The following THSD7B variants were observed in gnomAD, a reference collection of about 807,000 sequenced individuals.
The protein encoded by THSD7B is thrombospondin type-1 domain-containing protein 7B.
A neutral mutation model predicts 213.6 loss-of-function variants in THSD7B; 138 were observed. That is an observed-to-expected ratio of 0.65 (90% confidence interval 0.56 to 0.74). The LOEUF (loss-of-function observed/expected upper bound fraction) is 0.74, where lower values mean the gene tolerates loss of function less well. Among genes scored for constraint, THSD7B ranks in the 30% least tolerant of loss-of-function variants. The probability of loss-of-function intolerance (pLI) is 0.00; values close to 1 mark genes in which losing one functional copy is unlikely to be tolerated. For missense variants in THSD7B, 1,931 were observed against 1,991.5 expected (o/e 0.97, Z 0.58); for synonymous variants, 742 against 687.0 (o/e 1.08, Z -1.25).
chr2:137,303,730 A>T (rs12476934), intron 12 of THSD7B, among the ~76,000 whole-genome samples: 29,657 of 123,952 alleles, frequency 0.24, 4,622 homozygotes, highest in Non-Finnish European at 0.33. Context: ...ATATATATTT[A>T]TATATATATT....
chr2:137,234,439 C>T (rs1021122986), intron 9 of THSD7B, among the ~76,000 whole-genome samples: 7 of 152,292 alleles, frequency 4.6e-5, no homozygotes, highest in South Asian at 4.1e-4. Flanking sequence ...GAACTGCTTA[C>T]GGCAGCAGAT....
At chr2:137,108,314 T>C (rs998234934) in intron 4 of THSD7B, among the ~76,000 whole-genome samples, 1 of 152,218 alleles carries the variant, frequency 6.6e-6, no homozygotes, top group Non-Finnish European at 1.5e-5. Context: ...GGACAGAGGT[T>C]GCTGTCTGGC....
In THSD7B at chr2:136,983,206, C is replaced by T. The variant is rs192725151; in HGVS notation, c.140-73214C>T. Among the ~76,000 whole-genome samples the T allele has an allele frequency of 1.2e-3, 186 of 151,928 alleles. 2 individuals carry two copies. The highest frequency in any genetic ancestry group is 3.9e-3 in the African/African-American group (160 of 41,424). On this transcript the variant is annotated intron_variant, in intron 2 of 27. Coordinates refer to ENST00000409968, the MANE Select transcript of THSD7B (RefSeq NM_001316349.2). ...ACCATCTTGATTTAGTGTTTTTCTCCCATATGTGAATTGTATATACTTAGG... is the reference window on the plus strand; with the variant it reads ...ACCATCTTGATTTAGTGTTTTTCTCTCATATGTGAATTGTATATACTTAGG...
chr2:137,028,003 G>A (rs956790040), intron 2 of THSD7B, among the ~76,000 whole-genome samples: 2 of 152,066 alleles, frequency 1.3e-5, no homozygotes, highest in African/African-American at 4.8e-5. Flanking sequence ...TTCAGTAAAT[G>A]TTAGCTAATC....
At chr2:136,923,419 A>C (rs55700319) in intron 2 of THSD7B, among the ~76,000 whole-genome samples, 17,127 of 152,230 alleles carry the variant, frequency 0.11, 1,092 homozygotes, top group East Asian at 0.16. Flanking sequence ...ATGAGTGTGC[A>C]GATACCTTTT....
intron 2 of THSD7B, among the ~76,000 whole-genome samples, chr2:137,014,911 C>A (rs1017301740): frequency 2.0e-5 from 3 of 152,056 alleles, no homozygotes; most frequent in African/African-American, 7.2e-5. Context: ...AGCCTGGAAC[C>A]CCTCCCCTGT....
chr2:137,373,164 G>A (rs1414228708), intron 12 of THSD7B, among the ~76,000 whole-genome samples: 4 of 152,092 alleles, frequency 2.6e-5, no homozygotes, highest in African/African-American at 9.7e-5. Context: ...ACATACGTGT[G>A]CATGTGTCTT....
intron 1 of THSD7B, among the ~76,000 whole-genome samples, chr2:136,850,865 A>C (rs1683088122): frequency 6.6e-6 from 1 of 151,950 alleles, no homozygotes; most frequent in African/African-American, 2.4e-5. Flanking sequence ...AATAATTTTT[A>C]AAAGCCCTAG....
At chr2:137,339,180 T>C (rs1401770940) in intron 12 of THSD7B, among the ~76,000 whole-genome samples, 1 of 152,042 alleles carries the variant, frequency 6.6e-6, no homozygotes, top group Non-Finnish European at 1.5e-5. Flanking sequence ...GTGTCATCAG[T>C]TGGAGTCCCG....
In THSD7B at chr2:137,338,836, A is replaced by G. The variant is rs942280848; in HGVS notation, c.2500+62810A>G. Among the ~76,000 whole-genome samples the G allele has an allele frequency of 3.9e-5, 6 of 152,162 alleles. 1 individual carries two copies. In the South Asian group the frequency reaches 1.0e-3, roughly 26 times the overall value. On this transcript the variant is annotated intron_variant, in intron 12 of 27. Coordinates refer to ENST00000409968, the MANE Select transcript of THSD7B (RefSeq NM_001316349.2). The stretch of plus-strand genomic sequence containing the variant: ...TATGAAATCTTTTGTTGATGGAGAA[A>G]GACAAAGACAAAGGACAGGAAATGT...
intron 5 of THSD7B, among the ~76,000 whole-genome samples, chr2:137,151,982 T>C (rs1167624975): frequency 2.7e-5 from 4 of 150,480 alleles, no homozygotes; most frequent in Non-Finnish European, 4.4e-5. Context: ...TTGCCACTCC[T>C]TCCCCAGTTT....
chr2:137,393,308 C>A (rs113966233), intron 12 of THSD7B, among the ~76,000 whole-genome samples: 33,845 of 151,290 alleles, frequency 0.22, 3,971 homozygotes, highest in South Asian at 0.27. Flanking sequence ...TATCCCTCCC[C>A]CTTCCCACCA....
intron 2 of THSD7B, among the ~76,000 whole-genome samples, chr2:136,983,095 C>G (rs1685611162): frequency 6.6e-6 from 1 of 151,400 alleles, no homozygotes; most frequent in South Asian, 2.1e-4. Context: ...AAAAACATTT[C>G]TAATGTAAAA....
intron 4 of THSD7B, among the ~76,000 whole-genome samples, chr2:137,103,282 T>A (rs891821254): frequency 7.2e-5 from 11 of 152,122 alleles, no homozygotes; most frequent in African/African-American, 2.4e-4. Context: ...CCAGCTAAAC[T>A]AAGCTTCATA....
chr2:136,852,584 G>T (rs1423091297), intron 1 of THSD7B, among the ~76,000 whole-genome samples: 1 of 152,156 alleles, frequency 6.6e-6, no homozygotes, highest in Non-Finnish European at 1.5e-5. Context: ...GTTTTAAGCT[G>T]CTAAGTTTGT....
At chr2:137,516,192 C>T (rs572792899) in intron 15 of THSD7B, among the ~76,000 whole-genome samples, 7 of 144,678 alleles carry the variant, frequency 4.8e-5, no homozygotes, top group East Asian at 4.2e-4. Flanking sequence ...TAACTAATCA[C>T]GGTGTTCCTA....
At chr2:137,178,637 A>C (rs1680401915) in intron 7 of THSD7B, among the ~76,000 whole-genome samples, 1 of 152,222 alleles carries the variant, frequency 6.6e-6, no homozygotes, top group Admixed American at 6.5e-5. Flanking sequence ...AGAAAAATAG[A>C]GACTCATTCT....
chr2:137,077,402 C>A (rs1687651494), intron 3 of THSD7B, among the ~76,000 whole-genome samples: 1 of 152,184 alleles, frequency 6.6e-6, no homozygotes, highest in South Asian at 2.1e-4. Context: ...AATCGCCACA[C>A]TGACTTCCAC....
At chr2:137,368,171 A>G (rs1685463157) in intron 12 of THSD7B, among the ~76,000 whole-genome samples, 1 of 152,146 alleles carries the variant, frequency 6.6e-6, no homozygotes, top group Non-Finnish European at 1.5e-5. Flanking sequence ...TGTAATTGAA[A>G]GAAAAAGGAA....
Sources: gnomAD v4.1 joint callset for allele counts (sites outside exome capture counted in the v4.1 genomes callset) on GRCh38, gnomAD v4.1.1 for gene constraint, MANE v1.5 for transcripts, NCBI Gene and HGNC (gene_info 2026-07-23, HGNC 2026-07-21) for gene names.